SLIT3: variants seen among roughly 807,000 people sequenced by gnomAD.
SLIT3 encodes the protein slit homolog 3 protein.
Under a neutral mutation model 184.0 loss-of-function variants are expected in SLIT3, and 68 were observed. The ratio of observed to expected loss-of-function variants is 0.37; its 90% CI spans 0.30 to 0.45. The LOEUF (loss-of-function observed/expected upper bound fraction) is 0.45. Ranked by LOEUF, SLIT3 falls within the 20% of genes least tolerant of loss-of-function variation. The probability of loss-of-function intolerance (pLI) is 1.00; values close to 1 mark genes in which losing one functional copy is unlikely to be tolerated. For synonymous variants in SLIT3, 831 were observed against 828.6 expected (o/e 1.00, Z -0.05); for missense variants, 1,707 against 2,026.0 (o/e 0.84, Z 3.02).
At chr5:168,682,010 A>G (rs1299832391) in intron 32 of SLIT3, among the ~76,000 whole-genome samples, 1 of 152,226 alleles carries the variant, frequency 6.6e-6, no homozygotes, top group Non-Finnish European at 1.5e-5. Context: ...ATCTGGATTT[A>G]TGTGATAGCA....
intron 4 of SLIT3, among the ~76,000 whole-genome samples, chr5:169,098,080 A>G (rs1350039802): frequency 1.3e-5 from 2 of 152,162 alleles, no homozygotes; most frequent in African/African-American, 4.8e-5. Flanking sequence ...GACCCCAGGC[A>G]AGCTGCCTGG....
intron 6 of SLIT3, among the ~76,000 whole-genome samples, chr5:168,840,418 C>CT (rs368875819): frequency 8.8e-5 from 13 of 147,802 alleles, no homozygotes; most frequent in East Asian, 6.0e-4. Context: ...CTTGTCCCTA[C>CT]TTTTTTTTTT....
intron 3 of SLIT3, among the ~76,000 whole-genome samples, chr5:169,227,774 C>A (rs953260833): frequency 1.3e-5 from 2 of 152,210 alleles, no homozygotes; most frequent in African/African-American, 4.8e-5. Context: ...TTTGCACTAA[C>A]CTAATACTTC....
At chr5:169,041,096 T>A (rs1757433691) in intron 4 of SLIT3, among the ~76,000 whole-genome samples, 1 of 152,238 alleles carries the variant, frequency 6.6e-6, no homozygotes. Context: ...ATGCCCAAAC[T>A]CTGGTAGGTT....
chr5:169,206,765 A>C (rs1764080182), intron 3 of SLIT3, among the ~76,000 whole-genome samples: 1 of 152,250 alleles, frequency 6.6e-6, no homozygotes, highest in Non-Finnish European at 1.5e-5. Flanking sequence ...GCAACAACAA[A>C]AAAAGTTCTT....
At chr5:168,688,494 G>A (rs1461645172) in intron 29 of SLIT3, among the ~76,000 whole-genome samples, 2 of 152,172 alleles carry the variant, frequency 1.3e-5, no homozygotes, top group African/African-American at 2.4e-5. Flanking sequence ...CACTGGCATC[G>A]TTGTGGTTGG....
chr5:169,175,125 G>C, intron 4 of SLIT3, among the ~76,000 whole-genome samples: 1 of 152,206 alleles, frequency 6.6e-6, no homozygotes, highest in East Asian at 1.9e-4. Context: ...GCTTGGGTCT[G>C]TGTCTTAGTC....
chr5:169,049,688 T>C (rs980438747), intron 4 of SLIT3, among the ~76,000 whole-genome samples: 4 of 152,182 alleles, frequency 2.6e-5, no homozygotes, highest in African/African-American at 9.7e-5. Context: ...TGAAGATCTA[T>C]TGTAGCGGTA....
chr5:168,981,395 G>T (rs1310500791), intron 4 of SLIT3, among the ~76,000 whole-genome samples: 1 of 152,166 alleles, frequency 6.6e-6, no homozygotes, highest in Non-Finnish European at 1.5e-5. Flanking sequence ...ATTGCAATGA[G>T]GCTTGGGGGC....
At chr5:169,248,953 T>C (rs929761887) in intron 2 of SLIT3, among the ~76,000 whole-genome samples, 3 of 152,194 alleles carry the variant, frequency 2.0e-5, no homozygotes, top group Non-Finnish European at 4.4e-5. Flanking sequence ...CTTTTGCCCA[T>C]ATTAACAGTT....
intron 4 of SLIT3, among the ~76,000 whole-genome samples, chr5:169,154,677 A>G (rs1204808343): frequency 6.6e-6 from 1 of 152,258 alleles, no homozygotes; most frequent in East Asian, 1.9e-4. Context: ...AGGGAATTAA[A>G]TTTGTGATGA....
Position 169,075,786 on chromosome 5 carries a change from C to A in SLIT3, c.413+117693G>T, listed in dbSNP as rs370102524. On this transcript the variant is annotated intron_variant, in intron 4 of 35. Coordinates refer to ENST00000519560, the MANE Select transcript of SLIT3 (RefSeq NM_003062.4). ...ATCTGGCTCTTCTGTGCTTCTCTTT[C>A]GGATTTCATCTAGTACTTTCTCCAG... 2.6e-5 allele frequency among the ~76,000 whole-genome samples: 4 copies of A among 152,238 alleles called. No homozygotes were observed. The South Asian group carries it at 8.3e-4, about 32-fold the overall frequency.
At chr5:169,091,584 A>G (rs1759586720) in intron 4 of SLIT3, among the ~76,000 whole-genome samples, 1 of 152,216 alleles carries the variant, frequency 6.6e-6, no homozygotes, top group Non-Finnish European at 1.5e-5. Context: ...AGCTACCTTG[A>G]CAATCACTGA....
At chr5:168,700,541 G>C in intron 27 of SLIT3, 41 bp downstream of exon 27, 1 of 1,393,034 alleles carries the variant, frequency 7.2e-7, no homozygotes, top group Non-Finnish European at 1.0e-6. Context: ...CAGTGTGAGA[G>C]CAAACTAATA....
chr5:168,920,693 C>T (rs886779484), intron 4 of SLIT3, among the ~76,000 whole-genome samples: 1 of 152,200 alleles, frequency 6.6e-6, no homozygotes. Flanking sequence ...CTTCTCTTGG[C>T]GTGGGTGAAC....
At chr5:168,782,790 G>A (rs962034896) in intron 12 of SLIT3, among the ~76,000 whole-genome samples, 1 of 152,128 alleles carries the variant, frequency 6.6e-6, no homozygotes, top group Admixed American at 6.5e-5. Context: ...TTTAAGGAGG[G>A]AAGCTGACAG....
At chr5:169,182,639 G>A (rs1206734293) in intron 4 of SLIT3, among the ~76,000 whole-genome samples, 2 of 152,220 alleles carry the variant, frequency 1.3e-5, no homozygotes, top group Non-Finnish European at 2.9e-5. Flanking sequence ...GATGCTGAAT[G>A]TGGTTCAGGA....
At chr5:169,179,046 T>G (rs1195494449) in intron 4 of SLIT3, among the ~76,000 whole-genome samples, 1 of 152,156 alleles carries the variant, frequency 6.6e-6, no homozygotes, top group Non-Finnish European at 1.5e-5. Flanking sequence ...TGGTACAGCT[T>G]TATACAACAC....
intron 25 of SLIT3, among the ~76,000 whole-genome samples, chr5:168,709,831 GTTTTTT>G (rs552127988): frequency 6.9e-6 from 1 of 145,400 alleles, no homozygotes; most frequent in Non-Finnish European, 1.5e-5. Flanking sequence ...AATAAAAGGA[GTTTTTT>G]TTTTTTAACC....
Sources: allele counts gnomAD v4.1 joint callset (sites outside exome capture counted in the v4.1 genomes callset), GRCh38; gene constraint gnomAD v4.1.1; transcripts MANE v1.5; gene names NCBI Gene and HGNC (gene_info 2026-07-23, HGNC 2026-07-21).